The following STX8 variants were observed in gnomAD, a reference collection of about 807,000 sequenced individuals.
STX8 encodes syntaxin 8.
Under a neutral mutation model 37.5 loss-of-function variants are expected in STX8, and 23 were observed. The observed-to-expected ratio is 0.61, with a 90% confidence interval of 0.44 to 0.87. The LOEUF is 0.87. Ranked by LOEUF, STX8 falls within the 40% of genes least tolerant of loss-of-function variation. STX8 has a pLI of 0.00. For missense variants in STX8, 313 were observed against 284.7 expected (o/e 1.10, Z -0.71); for synonymous variants, 115 against 99.1 (o/e 1.16, Z -0.95).
At chr17:9,370,013 A>G (rs1387592548) in intron 7 of STX8, among the ~76,000 whole-genome samples, 3 of 151,484 alleles carry the variant, frequency 2.0e-5, no homozygotes, top group East Asian at 3.9e-4. Flanking sequence ...TGGGGGGTTG[A>G]GGCCAGCCTA....
intron 6 of STX8, among the ~76,000 whole-genome samples, chr17:9,484,563 C>T (rs575901961): frequency 1.3e-5 from 2 of 151,726 alleles, no homozygotes; most frequent in East Asian, 1.9e-4. Context: ...CGCCTGTAAT[C>T]CTAGCACTTT....
intron 4 of STX8, among the ~76,000 whole-genome samples, chr17:9,532,210 C>T (rs1335574984): frequency 3.3e-5 from 5 of 151,544 alleles, no homozygotes; most frequent in South Asian, 2.1e-4. Context: ...TCTCTTCTGG[C>T]GATAATCAGT....
At chr17:9,258,083 C>T (rs1470643606) in intron 7 of STX8, among the ~76,000 whole-genome samples, 1 of 152,238 alleles carries the variant, frequency 6.6e-6, no homozygotes. Context: ...CACGTAGCTA[C>T]TAAACTTAAA....
chr17:9,280,449 A>G (rs915010309), intron 7 of STX8, among the ~76,000 whole-genome samples: 1 of 152,192 alleles, frequency 6.6e-6, no homozygotes, highest in African/African-American at 2.4e-5. Flanking sequence ...GCTACTTGGG[A>G]GGCTGAGACA....
intron 4 of STX8, among the ~76,000 whole-genome samples, chr17:9,534,746 C>G (rs937477768): frequency 2.2e-4 from 34 of 151,988 alleles, no homozygotes; most frequent in African/African-American, 7.7e-4. Context: ...CGAGATTGCG[C>G]CACTGCACTC....
intron 7 of STX8, among the ~76,000 whole-genome samples, chr17:9,351,449 G>A (rs1013541663): frequency 2.0e-5 from 3 of 151,974 alleles, no homozygotes; most frequent in South Asian, 2.1e-4. Flanking sequence ...GAGCCACGGC[G>A]CCCGGCCTAT....
intron 7 of STX8, among the ~76,000 whole-genome samples, chr17:9,346,023 T>C (rs190365827): frequency 6.6e-6 from 1 of 152,120 alleles, no homozygotes; most frequent in Non-Finnish European, 1.5e-5. Context: ...GGCTCATTTT[T>C]GTATTTTTAG....
chr17:9,559,760 A>ATATATATATATATT, intron 2 of STX8, among the ~76,000 whole-genome samples: 2 of 24,496 alleles, frequency 8.2e-5, no homozygotes, highest in East Asian at 2.7e-3. Context: ...ATATATATAT[A>ATATATATATATATT]TTTTTTTTTT....
intron 5 of STX8, among the ~76,000 whole-genome samples, chr17:9,498,122 T>G (rs1298789405): frequency 6.8e-6 from 1 of 147,850 alleles, no homozygotes; most frequent in Non-Finnish European, 1.5e-5. Flanking sequence ...GTGCAGTGGC[T>G]CACGCCTGTA....
chr17:9,542,461 A>AG (rs1358484451), intron 4 of STX8, among the ~76,000 whole-genome samples: 1 of 152,090 alleles, frequency 6.6e-6, no homozygotes, highest in African/African-American at 2.4e-5. Flanking sequence ...GCAGATCACG[A>AG]GGTCAGGAAA....
intron 5 of STX8, among the ~76,000 whole-genome samples, chr17:9,494,400 G>T (rs1387052119): frequency 6.6e-6 from 1 of 151,328 alleles, no homozygotes; most frequent in Non-Finnish European, 1.5e-5. Context: ...GGGCTGAAGC[G>T]GGCAGATCAC....
intron 7 of STX8, among the ~76,000 whole-genome samples, chr17:9,330,934 G>C (rs1354211679): frequency 6.6e-6 from 1 of 152,210 alleles, no homozygotes; most frequent in Non-Finnish European, 1.5e-5. Flanking sequence ...ATCCAGGCAC[G>C]AATAACTAGC....
At chr17:9,378,489 C>T in intron 7 of STX8, 63 bp downstream of exon 7, 2 of 1,445,584 alleles carry the variant, frequency 1.4e-6, no homozygotes, top group Non-Finnish European at 1.9e-6. Context: ...AAACAGGAAA[C>T]TCAGAGCAGA....
chr17:9,314,352 C>T (rs1909303520), intron 7 of STX8, among the ~76,000 whole-genome samples: 1 of 152,078 alleles, frequency 6.6e-6, no homozygotes, highest in Admixed American at 6.6e-5. Context: ...CTACAGACTT[C>T]CCATTAGATC....
At chr17:9,372,604 A>G (rs1166646988) in intron 7 of STX8, among the ~76,000 whole-genome samples, 1 of 151,468 alleles carries the variant, frequency 6.6e-6, no homozygotes, top group Non-Finnish European at 1.5e-5. Flanking sequence ...CAGCCTCCCA[A>G]CTAGCTGGGA....
At chr17:9,375,277 G>A (rs1202451342) in intron 7 of STX8, among the ~76,000 whole-genome samples, 1 of 151,640 alleles carries the variant, frequency 6.6e-6, no homozygotes, top group Non-Finnish European at 1.5e-5. Flanking sequence ...AGTACTTCTG[G>A]GATTCCTTAA....
chr17:9,354,878 T>C (rs1301326142), intron 7 of STX8, among the ~76,000 whole-genome samples: 2 of 152,046 alleles, frequency 1.3e-5, no homozygotes, highest in Admixed American at 6.6e-5. Context: ...ATCCTGGGAG[T>C]TGTCTTTACT....
chr17:9,422,441 G>C (rs1205577914), intron 6 of STX8, among the ~76,000 whole-genome samples: 1 of 152,172 alleles, frequency 6.6e-6, no homozygotes, highest in Admixed American at 6.5e-5. Flanking sequence ...CAGCATGTGA[G>C]AACGGACTAA....
chr17:9,308,928 A>G (rs1165333458), intron 7 of STX8, among the ~76,000 whole-genome samples: 3 of 152,080 alleles, frequency 2.0e-5, no homozygotes, highest in African/African-American at 7.2e-5. Context: ...AAAAACCCCA[A>G]GGATAAACAT....
Sources: allele counts gnomAD v4.1 joint callset (sites outside exome capture counted in the v4.1 genomes callset), GRCh38; gene constraint gnomAD v4.1.1; transcripts MANE v1.5; gene names NCBI Gene and HGNC (gene_info 2026-07-23, HGNC 2026-07-21).